Variants in PTPRN2 observed in about 807,000 individuals in gnomAD.
The protein encoded by PTPRN2 is receptor-type tyrosine-protein phosphatase N2.
A neutral mutation model predicts 118.8 loss-of-function variants in PTPRN2; 74 were observed. The observed-to-expected ratio is 0.62, with a 90% CI of 0.52 to 0.76. The LOEUF (loss-of-function observed/expected upper bound fraction) is 0.76, where lower values mean the gene tolerates loss of function less well. PTPRN2 is among the 30% of genes least tolerant of loss of function. The probability of loss-of-function intolerance (pLI) is 0.00; values close to 1 mark genes in which losing one functional copy is unlikely to be tolerated. For missense variants in PTPRN2, 1,481 were observed against 1,394.4 expected, an observed-to-expected ratio of 1.06 and a Z score of -0.99; for synonymous variants, 641 against 608.0, an observed-to-expected ratio of 1.05 and a Z score of -0.80.
At position 157,980,785 on chromosome 7, in the gene PTPRN2, T is replaced by C. The variant is rs556743223; in HGVS notation, c.1724-82048A>G. The stretch of plus-strand genomic sequence containing the variant: ...TAAATAAATAAAAGATACTACGTGA[T>C]TGTATTAGCATCACATCTGCCCACA... On this transcript the variant is annotated intron_variant, in intron 11 of 22. Transcript: ENST00000389418. 3.9e-5 allele frequency among the ~76,000 whole-genome samples: 6 copies of C among 152,234 alleles called. No individual in the cohort carries two copies. In the East Asian group the frequency reaches 1.2e-3, roughly 29 times the overall value.
intron 5 of PTPRN2, among the ~76,000 whole-genome samples, chr7:158,186,377 G>C (rs1419460549): frequency 6.6e-6 from 1 of 152,148 alleles, no homozygotes; most frequent in Non-Finnish European, 1.5e-5. Flanking sequence ...TTCTCCCGGG[G>C]GCTCACTCAT....
At chr7:157,973,785 G>T (rs1802520069) in intron 11 of PTPRN2, among the ~76,000 whole-genome samples, 1 of 152,180 alleles carries the variant, frequency 6.6e-6, no homozygotes, top group South Asian at 2.1e-4. Context: ...TAGCAACAAA[G>T]ATAAAATAAA....
chr7:158,410,411 T>C (rs905107802), intron 2 of PTPRN2, among the ~76,000 whole-genome samples: 1 of 152,034 alleles, frequency 6.6e-6, no homozygotes, highest in African/African-American at 2.4e-5. Context: ...AGAATTAATC[T>C]CCTTCTCGTG....
rs955303790 is a variant in PTPRN2, at chr7:157,779,511, C to T, written c.1789-96574G>A. ...GCAGCAGGAACCCCCAAATTCCCTC[C>T]TCAGGCCAGTGCCCTCCACGTTGTC... On this transcript the variant is annotated intron_variant, in intron 12 of 22. Transcript: ENST00000389418. This position sits in a 1 kb window ranked among gnomAD's most constrained non-coding sequence, Gnocchi z 4.7. Among the ~76,000 whole-genome samples the T allele has an allele frequency of 6.6e-6, 1 of 152,202 alleles. No homozygotes were observed. The highest frequency in any genetic ancestry group is 1.5e-5 in the Non-Finnish European group (1 of 68,034).
chr7:157,557,572 A>ACACACACT (rs780062067), intron 21 of PTPRN2, among the ~76,000 whole-genome samples: 16 of 148,986 alleles, frequency 1.1e-4, no homozygotes, highest in African/African-American at 1.2e-4. Flanking sequence ...ACACACACAC[A>ACACACACT]CTCTCCTGGG....
rs922309252 is a variant in PTPRN2, at chr7:157,611,604, G to A, written c.2345-7529C>T. On this transcript the variant is annotated intron_variant, in intron 15 of 22. Coordinates refer to ENST00000389418, the MANE Select transcript of PTPRN2 (RefSeq NM_002847.5). The surrounding 1 kb of genome is among the most constrained non-coding windows in gnomAD (Gnocchi z 5.9). ...AAATAGGGTCTTTACAGAGGTAAGCGAGCGGAGGGCATTTGGGCGGCCCTA... is the reference window on the plus strand; with the variant it reads ...AAATAGGGTCTTTACAGAGGTAAGCAAGCGGAGGGCATTTGGGCGGCCCTA... Among the ~76,000 whole-genome samples, 3 of 152,170 alleles carry A rather than the reference G, an allele frequency of 2.0e-5. No homozygotes were observed. The highest frequency in any genetic ancestry group is 4.8e-5 in the African/African-American group (2 of 41,430).
At chr7:158,123,547 G>T (rs528949005) in intron 9 of PTPRN2, among the ~76,000 whole-genome samples, 1 of 152,120 alleles carries the variant, frequency 6.6e-6, no homozygotes, top group Non-Finnish European at 1.5e-5. Flanking sequence ...CCTGCGGACC[G>T]CCATGCAGCC....
intron 11 of PTPRN2, among the ~76,000 whole-genome samples, chr7:157,910,911 A>T (rs1193234923): frequency 6.6e-6 from 1 of 152,252 alleles, no homozygotes; most frequent in Non-Finnish European, 1.5e-5. Context: ...TAACTGTCAG[A>T]AGGAATTAAA....
At chr7:158,220,066 T>C (rs183476881) in intron 3 of PTPRN2, among the ~76,000 whole-genome samples, 247 of 152,178 alleles carry the variant, frequency 1.6e-3, no homozygotes, top group African/African-American at 5.7e-3. Flanking sequence ...CATATGATCA[T>C]CTTAATAGAT....
At chr7:158,543,776 C>A (rs1826130781) in intron 1 of PTPRN2, among the ~76,000 whole-genome samples, 1 of 152,236 alleles carries the variant, frequency 6.6e-6, no homozygotes, top group Non-Finnish European at 1.5e-5. Context: ...AAAATACACA[C>A]ACAGTTGAGT....
intron 1 of PTPRN2, among the ~76,000 whole-genome samples, chr7:158,536,999 G>A (rs1825686362): frequency 2.0e-5 from 3 of 152,154 alleles, no homozygotes; most frequent in Admixed American, 2.0e-4. Context: ...GACATGACTG[G>A]GCCATCAGGG....
chr7:158,426,021 A>T lies in PTPRN2; in HGVS notation c.163+63714T>A, dbSNP rs866443059. Among the ~76,000 whole-genome samples, 14 of 11,158 alleles carry T rather than the reference A, an allele frequency of 1.3e-3. 3 individuals carry two copies. The highest frequency in any genetic ancestry group is 4.0e-3 in the South Asian group (1 of 252). The allele number at this position is 11,158 out of a possible 152,430, so 7.3% of individuals were successfully genotyped here. ...CGCCGGGAAAGACGCAGAGTCCGAG[A>T]CCAGCCTAGCTGGGGCCTGCGCACC... On this transcript the variant is annotated intron_variant, in intron 2 of 22. Coordinates refer to ENST00000389418, the MANE Select transcript of PTPRN2 (RefSeq NM_002847.5).
intron 20 of PTPRN2, among the ~76,000 whole-genome samples, chr7:157,570,334 A>C (rs540009910): frequency 6.6e-6 from 1 of 152,254 alleles, no homozygotes; most frequent in Non-Finnish European, 1.5e-5. Flanking sequence ...GTGGGTAAAA[A>C]AGATGTTCTA....
At chr7:158,156,787 C>T (rs907968167) in intron 6 of PTPRN2, among the ~76,000 whole-genome samples, 1 of 152,244 alleles carries the variant, frequency 6.6e-6, no homozygotes, top group African/African-American at 2.4e-5. Context: ...ATGTAATCAG[C>T]GGTCTCCATT....
chr7:158,183,764 T>C (rs1824914097), intron 5 of PTPRN2, among the ~76,000 whole-genome samples: 1 of 152,220 alleles, frequency 6.6e-6, no homozygotes, highest in African/African-American at 2.4e-5. Flanking sequence ...GGGCTTACAG[T>C]TCTTTGCTTG....
At chr7:158,439,030 A>G (rs543158406) in intron 2 of PTPRN2, among the ~76,000 whole-genome samples, 1 of 152,312 alleles carries the variant, frequency 6.6e-6, no homozygotes, top group South Asian at 2.1e-4. Context: ...GCCAGGCTCA[A>G]TTGTGTATTC....
chr7:158,172,131 A>T (rs1823757479), intron 5 of PTPRN2, among the ~76,000 whole-genome samples: 1 of 152,084 alleles, frequency 6.6e-6, no homozygotes, highest in African/African-American at 2.4e-5. Context: ...CCACTCGCCC[A>T]CACACTGAAA....
intron 2 of PTPRN2, among the ~76,000 whole-genome samples, chr7:158,408,504 T>C (rs1165087144): frequency 1.3e-5 from 2 of 152,210 alleles, no homozygotes; most frequent in African/African-American, 2.4e-5. Context: ...CTGCACGTGG[T>C]GGACTCATAC....
At chr7:158,380,651 T>G (rs1810902181) in intron 2 of PTPRN2, among the ~76,000 whole-genome samples, 1 of 152,150 alleles carries the variant, frequency 6.6e-6, no homozygotes, top group Non-Finnish European at 1.5e-5. Flanking sequence ...CATTTTGGGG[T>G]CTGGAGGACC....
Sources: gnomAD v4.1 joint callset for allele counts (sites outside exome capture counted in the v4.1 genomes callset) on GRCh38, gnomAD v4.1.1 for gene constraint, Gnocchi (gnomAD v3.1) non-coding constraint, MANE v1.5 for transcripts, NCBI Gene and HGNC (gene_info 2026-07-23, HGNC 2026-07-21) for gene names.